The following HS6ST3 variants were observed in gnomAD, a reference collection of about 807,000 sequenced individuals.
The protein encoded by HS6ST3 is heparan-sulfate 6-O-sulfotransferase 3.
HS6ST3 carries 12 observed loss-of-function variants against 36.7 expected under a neutral mutation model. The observed-to-expected ratio is 0.33, with a 90% CI of 0.21 to 0.53. The LOEUF is 0.53. Ranked by LOEUF, HS6ST3 falls within the 20% of genes least tolerant of loss-of-function variation. The pLI, the probability that HS6ST3 is intolerant of heterozygous loss-of-function variation, is 0.95. For missense variants in HS6ST3, 584 were observed against 640.9 expected (o/e 0.91, Z 0.96); for synonymous variants, 240 against 257.5 (o/e 0.93, Z 0.65).
chr13:96,422,977 A>G (rs1182748675), intron 1 of HS6ST3, among the ~76,000 whole-genome samples: 1 of 152,218 alleles, frequency 6.6e-6, no homozygotes, highest in Non-Finnish European at 1.5e-5. Flanking sequence ...TAAATATTTT[A>G]TGGTAAGAGC....
At chr13:96,448,744 A>C (rs1040204061) in intron 1 of HS6ST3, among the ~76,000 whole-genome samples, 1 of 151,942 alleles carries the variant, frequency 6.6e-6, no homozygotes, top group Non-Finnish European at 1.5e-5. Context: ...TGTCTCTCTA[A>C]CAAAGTGTCC....
At chr13:96,353,626 T>C (rs1237041474) in intron 1 of HS6ST3, among the ~76,000 whole-genome samples, 1 of 152,126 alleles carries the variant, frequency 6.6e-6, no homozygotes, top group East Asian at 1.9e-4. Flanking sequence ...AATGATTAAT[T>C]TGACTACATA....
intron 1 of HS6ST3, among the ~76,000 whole-genome samples, chr13:96,494,244 G>A (rs1386399991): frequency 6.6e-6 from 1 of 151,870 alleles, no homozygotes; most frequent in Non-Finnish European, 1.5e-5. Context: ...TCCTTTGTAG[G>A]GACATGGATG....
chr13:96,349,997 C>T (rs1478299220), intron 1 of HS6ST3, among the ~76,000 whole-genome samples: 2 of 138,958 alleles, frequency 1.4e-5, no homozygotes, highest in African/African-American at 2.5e-5. Flanking sequence ...GAACAATCTT[C>T]AGAAGCTATG....
At chr13:96,521,557 A>G (rs1003755521) in intron 1 of HS6ST3, among the ~76,000 whole-genome samples, 3 of 152,166 alleles carry the variant, frequency 2.0e-5, no homozygotes, top group Non-Finnish European at 4.4e-5. Context: ...CAGAGATTCA[A>G]CTTCTTCCTG....
At chr13:96,492,691 A>T (rs532261892) in intron 1 of HS6ST3, among the ~76,000 whole-genome samples, 1 of 152,318 alleles carries the variant, frequency 6.6e-6, no homozygotes, top group South Asian at 2.1e-4. Context: ...CTCCTCCAGG[A>T]CTTTTAAACT....
chr13:96,338,689 G>C (rs953580705), intron 1 of HS6ST3, among the ~76,000 whole-genome samples: 3 of 152,122 alleles, frequency 2.0e-5, no homozygotes, highest in African/African-American at 7.2e-5. Context: ...TTTGGTGTCA[G>C]CCCTCCCCTC....
intron 1 of HS6ST3, among the ~76,000 whole-genome samples, chr13:96,739,079 C>A (rs904778632): frequency 3.9e-5 from 6 of 151,974 alleles, no homozygotes; most frequent in African/African-American, 1.4e-4. Flanking sequence ...TTTCAGGACA[C>A]CGCACACATT....
intron 1 of HS6ST3, among the ~76,000 whole-genome samples, chr13:96,407,874 C>T (rs2055486958): frequency 6.6e-6 from 1 of 152,116 alleles, no homozygotes; most frequent in African/African-American, 2.4e-5. Flanking sequence ...TGTCAAGGCT[C>T]AGGATTCAGG....
At chr13:96,376,502 TCTTGCTAAGA>T (rs1319313795) in intron 1 of HS6ST3, among the ~76,000 whole-genome samples, 1 of 152,194 alleles carries the variant, frequency 6.6e-6, no homozygotes, top group African/African-American at 2.4e-5. Context: ...GATTGTAGTG[TCTTGCTAAGA>T]AAAAATTGAA....
chr13:96,347,909 C>A (rs568701607), intron 1 of HS6ST3, among the ~76,000 whole-genome samples: 2 of 152,270 alleles, frequency 1.3e-5, no homozygotes, highest in African/African-American at 4.8e-5. Flanking sequence ...TTGTTTAATT[C>A]TTGACATTTC....
At chr13:96,342,610 T>A (rs1489868215) in intron 1 of HS6ST3, among the ~76,000 whole-genome samples, 1 of 152,214 alleles carries the variant, frequency 6.6e-6, no homozygotes, top group Admixed American at 6.5e-5. Flanking sequence ...CAAGACAGAA[T>A]CCACACAAAG....
intron 1 of HS6ST3, among the ~76,000 whole-genome samples, chr13:96,312,277 G>A (rs2054945229): frequency 6.6e-6 from 1 of 151,964 alleles, no homozygotes; most frequent in African/African-American, 2.4e-5. Flanking sequence ...TTGCGTTATG[G>A]TTCATTATTT....
At chr13:96,428,557 C>G (rs564700166) in intron 1 of HS6ST3, among the ~76,000 whole-genome samples, 1 of 152,202 alleles carries the variant, frequency 6.6e-6, no homozygotes, top group East Asian at 1.9e-4. Flanking sequence ...CTAACCTCCT[C>G]TTCTCAAAAG....
Position 96,672,908 on chromosome 13 carries a change from G to A in HS6ST3, c.708-159582G>A, listed in dbSNP as rs550399662. Among the ~76,000 whole-genome samples the A allele has an allele frequency of 7.8e-4, 118 of 152,178 alleles. 1 individual carries two copies. The highest frequency in any genetic ancestry group is 3.4e-3 in the Middle Eastern group (1 of 294). Reference sequence around the variant, plus strand: ...TATGAGGGTGTATTCATTTCGTCTGGTTGTTGTAACAAATGACAACACTGG... The same window carrying A: ...TATGAGGGTGTATTCATTTCGTCTGATTGTTGTAACAAATGACAACACTGG... On this transcript the variant is annotated intron_variant, in intron 1 of 1. Transcript: ENST00000376705.
intron 1 of HS6ST3, among the ~76,000 whole-genome samples, chr13:96,259,679 T>A (rs987366617): frequency 2.1e-4 from 32 of 152,210 alleles, no homozygotes; most frequent in African/African-American, 7.0e-4. Context: ...TTTCTTTGAT[T>A]CTGTCTGCCT....
chr13:96,366,926 C>T (rs769913701), intron 1 of HS6ST3, among the ~76,000 whole-genome samples: 10 of 152,166 alleles, frequency 6.6e-5, no homozygotes, highest in Non-Finnish European at 1.3e-4. Context: ...TGCATATGCT[C>T]TCTTGCCTCC....
chr13:96,339,198 A>G (rs1223681617), intron 1 of HS6ST3, among the ~76,000 whole-genome samples: 1 of 152,208 alleles, frequency 6.6e-6, no homozygotes, highest in Non-Finnish European at 1.5e-5. Flanking sequence ...CAACAAAATG[A>G]CACACAAGAA....
chr13:96,342,380 A>T (rs1200826754), intron 1 of HS6ST3, among the ~76,000 whole-genome samples: 1 of 152,202 alleles, frequency 6.6e-6, no homozygotes, highest in Non-Finnish European at 1.5e-5. Context: ...AAGCCTAGGT[A>T]TCTAATACTA....
Sources: gnomAD v4.1 joint callset for allele counts (sites outside exome capture counted in the v4.1 genomes callset) on GRCh38, gnomAD v4.1.1 for gene constraint, MANE v1.5 for transcripts, NCBI Gene and HGNC (gene_info 2026-07-23, HGNC 2026-07-21) for gene names.